NLRP13: variants seen among roughly 807,000 people sequenced by gnomAD.
NLRP13 encodes the protein NLR family pyrin domain containing 13.
In NLRP13, 82 loss-of-function variants were observed where a neutral mutation model predicts 94.4. That is an observed-to-expected ratio of 0.87 (90% CI 0.73 to 1.04). The LOEUF is 1.04. NLRP13 is among the 50% of genes least tolerant of loss of function. NLRP13 has a pLI of 0.00. For synonymous variants in NLRP13, 553 were observed against 464.7 expected (o/e 1.19, Z -2.45); for missense variants, 1,426 against 1,230.8 (o/e 1.16, Z -2.37).
chr19:55,910,806 G>A, intron 5 of NLRP13, 73 bp from the exon 6 acceptor site: 1 of 1,218,764 alleles, frequency 8.2e-7, no homozygotes, highest in Non-Finnish European at 1.1e-6. Context: ...CAACCTACGG[G>A]ACACAGAAAG....
At chr19:55,920,940 C>T (rs1986807309) in intron 4 of NLRP13, among the ~76,000 whole-genome samples, 1 of 151,988 alleles carries the variant, frequency 6.6e-6, no homozygotes, top group Non-Finnish European at 1.5e-5. Context: ...GAATACTACT[C>T]ATAAAAGATA....
At chr19:55,905,463 A>T (rs1407118333) in intron 7 of NLRP13, among the ~76,000 whole-genome samples, 1 of 118,940 alleles carries the variant, frequency 8.4e-6, no homozygotes, top group Admixed American at 8.5e-5. Flanking sequence ...ACATATATAC[A>T]CACATATATA....
rs759722100 is a variant in NLRP13 at position 55,913,301 on chromosome 19, G to A, written c.524-8C>T. 17 of 1,606,046 alleles carry A rather than the reference G, an allele frequency of 1.1e-5. No individual in the cohort carries two copies. Among genetic ancestry groups the A allele is most frequent in the Non-Finnish European group, 1.4e-5 (17 of 1,175,552 alleles). On this transcript the variant is annotated splice_region_variant and splice_polypyrimidine_tract_variant and intron_variant, in intron 4 of 10. Coordinates refer to ENST00000342929, the MANE Select transcript of NLRP13 (RefSeq NM_176810.2). ...TGTATTTTCTTCTGTGGTCTAGAGA[G>A]GGCGGAGTGGGGAGAAGAATGGTAA... is the stretch of plus-strand genomic sequence containing the variant.
chr19:55,899,018 T>C, intron 9 of NLRP13, 81 bp from the exon 10 acceptor site: 2 of 1,443,508 alleles, frequency 1.4e-6, no homozygotes, highest in Non-Finnish European at 1.9e-6. Context: ...CCATCTCACG[T>C]CCAAGGAAAG....
chr19:55,911,095 C>T (rs762239179), intron 5 of NLRP13, among the ~76,000 whole-genome samples: 4 of 152,300 alleles, frequency 2.6e-5, no homozygotes, highest in African/African-American at 4.8e-5. Flanking sequence ...TTCCATGATC[C>T]ACTGGGAGGG....
In NLRP13 at chr19:55,932,022, A is replaced by G. The variant is rs750616295; in HGVS notation, c.290T>C (p.Leu97Pro). 6.8e-6 allele frequency: 11 copies of G among 1,613,702 alleles called. No homozygotes were observed. In the East Asian group the frequency reaches 1.8e-4, roughly 26 times the overall value. The change falls in exon 1 of 11, where the codon CTG becomes CCG. Residue 97 changes from leucine to proline, a missense_variant. Transcript: ENST00000342929. ...CATCTCGGCTCTAACTTTCTCACAC[A>G]GTGAGGTCAGATTCATTGTCTGGAA... ...GIFQTMNLTSLCEKVRAEMKE... is the reference protein window; with the variant it reads ...GIFQTMNLTSPCEKVRAEMKE...
intron 6 of NLRP13, among the ~76,000 whole-genome samples, chr19:55,909,887 A>C (rs1442927700): frequency 6.6e-6 from 1 of 151,990 alleles, no homozygotes; most frequent in African/African-American, 2.4e-5. Flanking sequence ...CCTTCCCTAC[A>C]CTGAGTCAAG....
At chr19:55,898,643 G>T in intron 10 of NLRP13, 127 bp downstream of exon 10, 2 of 1,028,980 alleles carry the variant, frequency 1.9e-6, no homozygotes, top group Non-Finnish European at 2.7e-6. Context: ...CCACACCTGG[G>T]TGAGATTTCT....
At chr19:55,895,198 TAA>T (rs112514218), downstream of NLRP13, among the ~76,000 whole-genome samples, 6 of 140,402 alleles carry the variant, frequency 4.3e-5, no homozygotes, top group African/African-American at 1.3e-4. Context: ...AAAAGTATGT[TAA>T]AAAAAAAAAA....
chr19:55,915,172 T>C (rs1986645947), intron 4 of NLRP13, among the ~76,000 whole-genome samples: 1 of 152,214 alleles, frequency 6.6e-6, no homozygotes, highest in South Asian at 2.1e-4. Context: ...GTGTGTTATA[T>C]AGTTCAACAC....
intron 5 of NLRP13, 118 bp downstream of exon 5, chr19:55,911,588 G>T: frequency 1.1e-6 from 1 of 943,594 alleles, no homozygotes; most frequent in Non-Finnish European, 1.6e-6. Flanking sequence ...CAGACCATTT[G>T]GTCGGAAATA....
Position 55,912,842 on chromosome 19 carries a change from G to C in NLRP13, c.975C>G (p.Ser325Arg). Residue 325 changes from serine to arginine, a missense_variant, in exon 5 of 11, where the codon AGC (serine) becomes AGG (arginine). Physicochemically the swap from Ser to Arg is moderately radical, Grantham distance 110. Transcript: ENST00000342929. ...CTGTACATGGCGAGCCATCATCCAAGCTCTCAGAGCGTGACTCAGATATGA... is the reference window on the plus strand; with the variant it reads ...CTGTACATGGCGAGCCATCATCCAACCTCTCAGAGCGTGACTCAGATATGA... ...EIIISESRSE[S>R]LDDGSPCTDW... 1 of 1,614,170 alleles carries C rather than the reference G, an allele frequency of 6.2e-7. No homozygotes were observed. The highest frequency in any genetic ancestry group is 1.1e-5 in the South Asian group (1 of 91,082).
rs770593098 is a variant in NLRP13, at chr19:55,907,954, C to T, written c.2285G>A (p.Cys762Tyr). The T allele has an allele frequency of 4.4e-6, 7 of 1,592,882 alleles. No homozygotes were observed. The highest frequency in any genetic ancestry group is 3.4e-5 in the South Asian group (3 of 89,178). ...AACCCACTCAGGAGTTACCGATTTG[C>T]ACCTGAGGAAGGGAAGGGACATGAA... ...NPRCKVQKLT[C>Y]KSVTPEWVLQ... Residue 762 changes from cysteine to tyrosine, a missense_variant and splice_region_variant, in exon 7 of 11, where the codon TGC becomes TAC. Transcript: ENST00000342929.
In NLRP13 at chr19:55,908,418, T is replaced by G. The variant is rs562019325; in HGVS notation, c.2283-462A>C. Reference sequence around the variant, plus strand: ...AAAGAAGACTGCCCAATCCCATTACTGGGTATATGCCCAAAGGAACGTAAA... The same window carrying G: ...AAAGAAGACTGCCCAATCCCATTACGGGGTATATGCCCAAAGGAACGTAAA... On this transcript the variant is annotated intron_variant, in intron 6 of 10. Transcript: ENST00000342929. Among the ~76,000 whole-genome samples, 3 of 152,366 alleles carry G rather than the reference T, an allele frequency of 2.0e-5. No homozygotes were observed. The South Asian group carries it at 6.2e-4, about 32-fold the overall frequency.
At chr19:55,903,572 G>A (rs1356150915) in intron 8 of NLRP13, among the ~76,000 whole-genome samples, 2 of 152,042 alleles carry the variant, frequency 1.3e-5, no homozygotes, top group Non-Finnish European at 2.9e-5. Context: ...AACGGCTCAC[G>A]TAACATCTCT....
At chr19:55,892,049 G>A, downstream of NLRP13, 1 of 1,206,064 alleles carries the variant, frequency 8.3e-7, no homozygotes, top group Non-Finnish European at 1.0e-6. Context: ...ACGCACACTT[G>A]AGTTTCAGAC....
chr19:55,922,913 C>T (rs1274207734), intron 4 of NLRP13, among the ~76,000 whole-genome samples: 1 of 152,032 alleles, frequency 6.6e-6, no homozygotes, highest in East Asian at 1.9e-4. Flanking sequence ...CAGAAGTAGC[C>T]CCAAAGAGTA....
In NLRP13 at chr19:55,910,683, G is replaced by A. The variant is rs142963587; in HGVS notation, c.2162C>T (p.Thr721Met). 1.8e-3 allele frequency: 2,923 copies of A among 1,613,652 alleles called. 6 individuals carry two copies. The highest frequency in any genetic ancestry group is 2.2e-3 in the Non-Finnish European group (2,635 of 1,179,632). Residue 721 changes from threonine (T) to methionine (M), a missense_variant, in exon 6 of 11, where the codon ACG (threonine) becomes ATG (methionine). Thr to Met is a moderately conservative substitution (Grantham distance 81). Transcript: ENST00000342929. ...ATGCAGATTCTCATTTGTGACCAAC[G>A]TAGAGCAAATGCTGTTCCATGCGTG... ...RMHAWNSICS[T>M]LVTNENLHEL...
intron 4 of NLRP13, among the ~76,000 whole-genome samples, chr19:55,914,191 G>A (rs536121239): frequency 3.5e-4 from 54 of 152,316 alleles, no homozygotes; most frequent in African/African-American, 1.3e-3. Context: ...CACAGCACAA[G>A]GGCCAGGACC....
Sources: allele counts gnomAD v4.1 joint callset (sites outside exome capture counted in the v4.1 genomes callset), GRCh38; gene constraint gnomAD v4.1.1; transcripts MANE v1.5; gene names NCBI Gene and HGNC (gene_info 2026-07-23, HGNC 2026-07-21).